TNNI3K: variants seen among roughly 807,000 people sequenced by gnomAD.
The protein encoded by TNNI3K is TNNI3 interacting kinase.
TNNI3K carries 140 observed loss-of-function variants against 114.5 expected under a neutral mutation model. The ratio of observed to expected loss-of-function variants is 1.22; its 90% CI spans 1.07 to 1.41. TNNI3K has a LOEUF of 1.41. TNNI3K is among the 40% of genes most tolerant of loss of function. The pLI, the probability that TNNI3K is intolerant of heterozygous loss-of-function variation, is 0.00. For synonymous variants in TNNI3K, 347 were observed against 347.5 expected, an observed-to-expected ratio of 1.00 and a Z score of 0.02; for missense variants, 1,125 against 1,007.6, an observed-to-expected ratio of 1.12 and a Z score of -1.58.
intron 9 of TNNI3K, among the ~76,000 whole-genome samples, chr1:74,349,332 T>G (rs1661199138): frequency 6.6e-6 from 1 of 152,200 alleles, no homozygotes. Flanking sequence ...CACTTGATCA[T>G]GGTGGATAAG....
chr1:74,360,164 C>T (rs775047938), intron 11 of TNNI3K, among the ~76,000 whole-genome samples: 5 of 151,754 alleles, frequency 3.3e-5, no homozygotes, highest in Non-Finnish European at 7.4e-5. Context: ...ATTTTAATAA[C>T]CTCATAACTG....
chr1:74,282,114 G>C (rs939807909), intron 5 of TNNI3K, among the ~76,000 whole-genome samples: 2 of 151,882 alleles, frequency 1.3e-5, no homozygotes, highest in Admixed American at 1.3e-4. Flanking sequence ...AGTTTCCAAG[G>C]CTGCCAATAA....
At chr1:74,258,114 TC>T (rs992378901) in intron 4 of TNNI3K, among the ~76,000 whole-genome samples, 16 of 152,014 alleles carry the variant, frequency 1.1e-4, no homozygotes, top group African/African-American at 3.6e-4. Context: ...AGTTCCAAAA[TC>T]CCCCCGTACT....
At chr1:74,359,392 C>T (rs1661834052) in intron 11 of TNNI3K, among the ~76,000 whole-genome samples, 1 of 151,936 alleles carries the variant, frequency 6.6e-6, no homozygotes, top group Admixed American at 6.6e-5. Context: ...TAATTTATAA[C>T]ATGTACAGTT....
At chr1:74,475,261 C>T (rs561581129) in intron 21 of TNNI3K, 57 of 616,432 alleles carry the variant, frequency 9.2e-5, no homozygotes, top group Admixed American at 5.3e-4. Flanking sequence ...AAGAATTAAA[C>T]GGAGTGGGAT....
intron 17 of TNNI3K, among the ~76,000 whole-genome samples, chr1:74,421,906 G>A (rs189342496): frequency 2.6e-5 from 4 of 151,710 alleles, no homozygotes; most frequent in East Asian, 3.9e-4. Context: ...GAAAAACCAA[G>A]AGTCACATGC....
intron 4 of TNNI3K, among the ~76,000 whole-genome samples, chr1:74,267,179 T>C (rs1018596195): frequency 2.0e-5 from 3 of 151,982 alleles, no homozygotes; most frequent in Non-Finnish European, 2.9e-5. Context: ...TTATATATGG[T>C]AAACTGCAAG....
chr1:74,309,585 C>T (rs1658864195), intron 5 of TNNI3K, among the ~76,000 whole-genome samples: 1 of 151,896 alleles, frequency 6.6e-6, no homozygotes, highest in African/African-American at 2.4e-5. Flanking sequence ...CTGGATCCAG[C>T]AGCACATCAA....
At chr1:74,511,863 A>T (rs1317360709) in intron 23 of TNNI3K, among the ~76,000 whole-genome samples, 2 of 152,202 alleles carry the variant, frequency 1.3e-5, no homozygotes, top group Admixed American at 6.5e-5. Flanking sequence ...CAAAGGCAGG[A>T]AAGTGGGAAC....
intron 23 of TNNI3K, among the ~76,000 whole-genome samples, chr1:74,521,178 G>A (rs552843733): frequency 2.0e-5 from 3 of 152,278 alleles, no homozygotes; most frequent in East Asian, 3.9e-4. Flanking sequence ...GTTGTGTATT[G>A]TAGTTATAAG....
At chr1:74,453,536 C>A (rs554501320) in intron 20 of TNNI3K, among the ~76,000 whole-genome samples, 2 of 152,274 alleles carry the variant, frequency 1.3e-5, no homozygotes, top group Admixed American at 1.3e-4. Context: ...ACTCATCCTT[C>A]TGGATTTAAC....
intron 2 of TNNI3K, among the ~76,000 whole-genome samples, chr1:74,236,536 G>A (rs1653870128): frequency 6.6e-6 from 1 of 151,728 alleles, no homozygotes; most frequent in African/African-American, 2.4e-5. Context: ...AACCATGCCG[G>A]CAATGAAAAG....
chr1:74,253,807 G>A (rs1024109979), intron 4 of TNNI3K, among the ~76,000 whole-genome samples: 1 of 152,210 alleles, frequency 6.6e-6, no homozygotes, highest in Admixed American at 6.5e-5. Flanking sequence ...CAGTGCAGCA[G>A]CGGGCTGAAG....
At chr1:74,237,043 A>C (rs1177437023) in intron 2 of TNNI3K, among the ~76,000 whole-genome samples, 1 of 151,992 alleles carries the variant, frequency 6.6e-6, no homozygotes, top group Non-Finnish European at 1.5e-5. Context: ...CAAATGACAC[A>C]TCTTTAAAAT....
chr1:74,504,905 C>A (rs529671952), intron 23 of TNNI3K, among the ~76,000 whole-genome samples: 47 of 152,324 alleles, frequency 3.1e-4, no homozygotes, highest in African/African-American at 8.2e-4. Flanking sequence ...TACTAATTAA[C>A]TAATTCCCAG....
chr1:74,474,484 C>A (rs1026348717), intron 21 of TNNI3K, among the ~76,000 whole-genome samples: 1 of 152,082 alleles, frequency 6.6e-6, no homozygotes, highest in Non-Finnish European at 1.5e-5. Flanking sequence ...TAGGGCCAGA[C>A]CCCTGTGGTA....
intron 17 of TNNI3K, among the ~76,000 whole-genome samples, chr1:74,392,414 A>G (rs1663836389): frequency 6.6e-6 from 1 of 152,228 alleles, no homozygotes; most frequent in Non-Finnish European, 1.5e-5. Flanking sequence ...CTCAGCAGGT[A>G]ACAGAACTGG....
At chr1:74,446,079 G>A (rs966768378) in intron 20 of TNNI3K, among the ~76,000 whole-genome samples, 1 of 151,870 alleles carries the variant, frequency 6.6e-6, no homozygotes, top group South Asian at 2.1e-4. Flanking sequence ...TGGGTCAAAT[G>A]GTATTTCTAG....
At chr1:74,458,816 G>T (rs988320678) in intron 20 of TNNI3K, among the ~76,000 whole-genome samples, 9 of 152,074 alleles carry the variant, frequency 5.9e-5, no homozygotes, top group Admixed American at 5.9e-4. Flanking sequence ...CAGGTTCATT[G>T]GTATATTGTG....
Sources: gnomAD v4.1 joint callset for allele counts (sites outside exome capture counted in the v4.1 genomes callset) on GRCh38, gnomAD v4.1.1 for gene constraint, MANE v1.5 for transcripts, NCBI Gene and HGNC (gene_info 2026-07-23, HGNC 2026-07-21) for gene names.